The following ADAMTSL1 variants were observed in gnomAD, a reference collection of about 807,000 sequenced individuals.
ADAMTSL1 encodes ADAMTS-like protein 1.
In ADAMTSL1, 126 loss-of-function variants were observed where a neutral mutation model predicts 201.8. That is an observed-to-expected ratio of 0.62 (90% confidence interval 0.54 to 0.72). ADAMTSL1 has a LOEUF of 0.72. ADAMTSL1 is among the 30% of genes least tolerant of loss of function. The pLI is 0.00. For missense variants in ADAMTSL1, 2,679 were observed against 2,277.8 expected (o/e 1.18, Z -3.59); for synonymous variants, 1,121 against 903.4 (o/e 1.24, Z -4.32).
intron 2 of ADAMTSL1, among the ~76,000 whole-genome samples, chr9:18,254,802 A>C (rs909190107): frequency 1.1e-4 from 16 of 152,094 alleles, no homozygotes; most frequent in Non-Finnish European, 1.8e-4. Flanking sequence ...GCTATGTGGC[A>C]AGAAGGGGAA....
intron 2 of ADAMTSL1, among the ~76,000 whole-genome samples, chr9:18,525,421 G>GT (rs1457416148): frequency 2.0e-5 from 3 of 152,028 alleles, no homozygotes; most frequent in Admixed American, 6.5e-5. Context: ...TTTTTGAAGG[G>GT]TTTTTTGTGT....
chr9:18,737,189 C>T (rs1818549650), intron 15 of ADAMTSL1, among the ~76,000 whole-genome samples: 1 of 151,988 alleles, frequency 6.6e-6, no homozygotes, highest in Non-Finnish European at 1.5e-5. Context: ...CGTGATGGCA[C>T]ATGCCTGTAA....
intron 1 of ADAMTSL1, among the ~76,000 whole-genome samples, chr9:18,127,111 A>T (rs1825762936): frequency 6.6e-6 from 1 of 152,196 alleles, no homozygotes; most frequent in South Asian, 2.1e-4. Flanking sequence ...ATGGTGTGTG[A>T]CATATGGCAC....
At chr9:18,852,363 A>G (rs1380716049) in intron 23 of ADAMTSL1, among the ~76,000 whole-genome samples, 1 of 152,196 alleles carries the variant, frequency 6.6e-6, no homozygotes, top group Non-Finnish European at 1.5e-5. Context: ...CACATAGTAA[A>G]TGCTCAGTTA....
At chr9:18,017,663 A>C (rs960643838) in intron 1 of ADAMTSL1, among the ~76,000 whole-genome samples, 3 of 151,992 alleles carry the variant, frequency 2.0e-5, no homozygotes, top group Non-Finnish European at 4.4e-5. Context: ...TTTTTCTTAA[A>C]TCTAATAGGT....
chr9:17,999,747 C>A (rs2131526670), intron 1 of ADAMTSL1, among the ~76,000 whole-genome samples: 2 of 150,272 alleles, frequency 1.3e-5, no homozygotes, highest in African/African-American at 4.9e-5. Context: ...AATGCTATCC[C>A]TCCCCGCTCC....
At chr9:18,296,687 T>C (rs1343639545) in intron 2 of ADAMTSL1, among the ~76,000 whole-genome samples, 1 of 152,334 alleles carries the variant, frequency 6.6e-6, no homozygotes, top group East Asian at 1.9e-4. Context: ...TTAGTTCCTA[T>C]GTATTTTACT....
At chr9:18,774,951 A>C (rs977995172) in intron 17 of ADAMTSL1, among the ~76,000 whole-genome samples, 2 of 152,214 alleles carry the variant, frequency 1.3e-5, no homozygotes, top group Admixed American at 1.3e-4. Context: ...CTTTGTAAGA[A>C]ACTACCAATC....
chr9:18,041,611 A>T (rs1398695063), intron 1 of ADAMTSL1, among the ~76,000 whole-genome samples: 4 of 152,102 alleles, frequency 2.6e-5, no homozygotes, highest in Non-Finnish European at 5.9e-5. Flanking sequence ...CACCTTACTA[A>T]ATTAAGAACT....
chr9:18,096,031 A>C (rs933181513), intron 1 of ADAMTSL1, among the ~76,000 whole-genome samples: 9 of 152,142 alleles, frequency 5.9e-5, no homozygotes, highest in Admixed American at 5.9e-4. Flanking sequence ...TGTCAGGAGC[A>C]TAGGGGATAA....
intron 13 of ADAMTSL1, among the ~76,000 whole-genome samples, chr9:18,701,006 A>G (rs866607587): frequency 2.6e-5 from 4 of 152,138 alleles, no homozygotes; most frequent in Non-Finnish European, 5.9e-5. Flanking sequence ...TAGATGCAAA[A>G]TTGGTCTAGC....
At chr9:18,555,627 G>A (rs1821059838) in intron 3 of ADAMTSL1, among the ~76,000 whole-genome samples, 2 of 151,926 alleles carry the variant, frequency 1.3e-5, no homozygotes, top group East Asian at 1.9e-4. Flanking sequence ...GTATGCACAG[G>A]GTGCTATGGC....
chr9:18,164,588 T>C (rs146723396), intron 2 of ADAMTSL1, among the ~76,000 whole-genome samples: 318 of 151,866 alleles, frequency 2.1e-3, no homozygotes, highest in Middle Eastern at 3.4e-3. Flanking sequence ...TTTGTGAGAA[T>C]TGGACAGACA....
intron 1 of ADAMTSL1, among the ~76,000 whole-genome samples, chr9:17,953,166 ACTG>A (rs1473627490): frequency 6.6e-6 from 1 of 152,088 alleles, no homozygotes; most frequent in Non-Finnish European, 1.5e-5. Flanking sequence ...TCAGGTTCTT[ACTG>A]CTGCTGTTGA....
chr9:18,786,069 C>A (rs78933454), intron 19 of ADAMTSL1, among the ~76,000 whole-genome samples: 1 of 152,318 alleles, frequency 6.6e-6, no homozygotes, highest in East Asian at 1.9e-4. Context: ...GTAAGACTTT[C>A]TTTTCTTTTC....
rs1034018350 is a variant in ADAMTSL1, at chr9:18,013,701, G to A, written c.87+106779G>A. Among the ~76,000 whole-genome samples, 11 of 151,850 alleles carry A rather than the reference G, an allele frequency of 7.2e-5. 1 individual carries two copies. Among genetic ancestry groups the A allele is most frequent in the Non-Finnish European group, 1.5e-4 (10 of 67,926 alleles). On this transcript the variant is annotated intron_variant, in intron 1 of 29. Transcript: ENST00000680146. ...AAAATAACAGCACTTAGCCAAATGGGGCCTCTGCCACTCCCCATGACAAGA... is the reference window on the plus strand; with the variant it reads ...AAAATAACAGCACTTAGCCAAATGGAGCCTCTGCCACTCCCCATGACAAGA...
intron 1 of ADAMTSL1, among the ~76,000 whole-genome samples, chr9:18,064,368 T>C (rs1329826586): frequency 6.6e-6 from 1 of 152,190 alleles, no homozygotes; most frequent in African/African-American, 2.4e-5. Context: ...GTAGAGCCAC[T>C]TGGAATTTGA....
chr9:18,882,800 C>A (rs1828614558), intron 23 of ADAMTSL1, among the ~76,000 whole-genome samples: 1 of 151,942 alleles, frequency 6.6e-6, no homozygotes, highest in Non-Finnish European at 1.5e-5. Flanking sequence ...TCAAGACCAG[C>A]CTGGGCAACA....
At chr9:18,544,397 C>T (rs1361105710) in intron 3 of ADAMTSL1, among the ~76,000 whole-genome samples, 1 of 152,050 alleles carries the variant, frequency 6.6e-6, no homozygotes, top group Non-Finnish European at 1.5e-5. Context: ...TAAAAAACTC[C>T]AAATTGTTAG....
Sources: allele counts gnomAD v4.1 joint callset (sites outside exome capture counted in the v4.1 genomes callset), GRCh38; gene constraint gnomAD v4.1.1; transcripts MANE v1.5; gene names NCBI Gene and HGNC (gene_info 2026-07-23, HGNC 2026-07-21).